The following TNKS variants were observed in gnomAD, a reference collection of about 807,000 sequenced individuals.
TNKS encodes tankyrase, also known as poly [ADP-ribose] polymerase tankyrase-1.
TNKS carries 72 observed loss-of-function variants against 135.8 expected under a neutral mutation model. The ratio of observed to expected loss-of-function variants is 0.53; its 90% confidence interval spans 0.44 to 0.64. The LOEUF is 0.64. Among genes scored for constraint, TNKS ranks in the 30% least tolerant of loss-of-function variants. The pLI, the probability that TNKS is intolerant of heterozygous loss-of-function variation, is 0.00. For missense variants in TNKS, 1,769 were observed against 1,674.0 expected, an observed-to-expected ratio of 1.06 and a Z score of -0.99; for synonymous variants, 849 against 649.3, an observed-to-expected ratio of 1.31 and a Z score of -4.68.
chr8:9,592,626 A>G (rs1438647842), intron 2 of TNKS, among the ~76,000 whole-genome samples: 1 of 152,210 alleles, frequency 6.6e-6, no homozygotes, highest in African/African-American at 2.4e-5. Flanking sequence ...GGTAGGAACT[A>G]ACAATAATCT....
At chr8:9,712,251 A>G (rs1221813376) in intron 11 of TNKS, among the ~76,000 whole-genome samples, 3 of 152,216 alleles carry the variant, frequency 2.0e-5, no homozygotes, top group Non-Finnish European at 4.4e-5. Flanking sequence ...AGGCAAAGGC[A>G]GAAGGATTGC....
intron 13 of TNKS, among the ~76,000 whole-genome samples, chr8:9,727,799 G>A (rs967126195): frequency 1.3e-5 from 2 of 151,926 alleles, no homozygotes; most frequent in Non-Finnish European, 2.9e-5. Flanking sequence ...TTAATATGTG[G>A]GCACTTCCAG....
chr8:9,577,333 A>G (rs1797987272), intron 1 of TNKS, among the ~76,000 whole-genome samples: 1 of 152,160 alleles, frequency 6.6e-6, no homozygotes, highest in Non-Finnish European at 1.5e-5. Flanking sequence ...GTAATGGTAA[A>G]AATGTTTTTA....
chr8:9,615,814 A>G, intron 3 of TNKS, 137 bp downstream of exon 3: 1 of 627,536 alleles, frequency 1.6e-6, no homozygotes, highest in South Asian at 2.0e-5. Flanking sequence ...CTACTTTATT[A>G]TTGATTTGAT....
Position 9,770,290 on chromosome 8 carries a change from C to G in TNKS, c.3897+28C>G, listed in dbSNP as rs746708595. ...ATGTTACTCATCAAACAAGCATAAC[C>G]AAGTTCACAAACATGTCAATAGAGC... On this transcript the variant is annotated intron_variant, in intron 26 of 26. Transcript: ENST00000310430. 4.4e-6 allele frequency: 7 copies of G among 1,590,862 alleles called. No individual in the cohort carries two copies. In the East Asian group the frequency reaches 9.0e-5, roughly 21 times the overall value.
chr8:9,587,817 A>G (rs1798445682), intron 2 of TNKS, among the ~76,000 whole-genome samples: 2 of 152,214 alleles, frequency 1.3e-5, no homozygotes, highest in Non-Finnish European at 2.9e-5. Flanking sequence ...ATAATTTGTT[A>G]CGGCAGCAAT....
chr8:9,717,103 T>TATATATTTATTTA (rs1554476739), intron 11 of TNKS, among the ~76,000 whole-genome samples: 1 of 39,332 alleles, frequency 2.5e-5, no homozygotes, highest in Non-Finnish European at 5.8e-5. Flanking sequence ...ATATATATAT[T>TATATATTTATTTA]TTCAGGGAAT....
At chr8:9,742,896 A>C (rs1393906234) in intron 17 of TNKS, among the ~76,000 whole-genome samples, 3 of 151,876 alleles carry the variant, frequency 2.0e-5, no homozygotes, top group Non-Finnish European at 4.4e-5. Context: ...AAAAAGTTTA[A>C]AAAGCTACTT....
At chr8:9,664,205 G>T (rs1417931229) in intron 3 of TNKS, among the ~76,000 whole-genome samples, 1 of 152,178 alleles carries the variant, frequency 6.6e-6, no homozygotes, top group Admixed American at 6.5e-5. Flanking sequence ...TCTATGTCTG[G>T]TGAGGGCTTC....
rs150530266 is a variant in TNKS at position 9,663,612 on chromosome 8, G to A, written c.995-16339G>A. On this transcript the variant is annotated intron_variant, in intron 3 of 26. Transcript: ENST00000310430. ...CTACACCCCACTTTAGAGGCTACTC[G>A]CTAGTAGTAGGTTGTCATCTATACT... 5.5e-3 allele frequency among the ~76,000 whole-genome samples: 832 copies of A among 152,288 alleles called. 5 individuals carry two copies. Among genetic ancestry groups the A allele is most frequent in the East Asian group, 7.2e-3 (37 of 5,174 alleles).
intron 2 of TNKS, among the ~76,000 whole-genome samples, chr8:9,599,809 A>G (rs1329920247): frequency 6.6e-6 from 1 of 152,004 alleles, no homozygotes; most frequent in African/African-American, 2.4e-5. Context: ...AAAAGTCTTG[A>G]TTTTCTATAT....
intron 3 of TNKS, among the ~76,000 whole-genome samples, chr8:9,672,674 AAACACAT>A (rs1260733877): frequency 2.3e-5 from 3 of 129,844 alleles, no homozygotes; most frequent in Non-Finnish European, 4.9e-5. Context: ...AAAAAAAAAA[AAACACAT>A]ACACACACAC....
At position 9,679,941 on chromosome 8, in the gene TNKS, A is replaced by C. The variant is rs1585319419; in HGVS notation, c.995-10A>C. 1 of 1,610,990 alleles carries C rather than the reference A, an allele frequency of 6.2e-7. No homozygotes were observed. The highest frequency in any genetic ancestry group is 2.2e-5 in the East Asian group (1 of 44,862). ...AAATGCTAACAGCATGATATTTTGC[A>C]ATCATCTAGGTGAATACAAGAAAGA... On this transcript the variant is annotated splice_polypyrimidine_tract_variant and intron_variant, in intron 3 of 26. Transcript: ENST00000310430.
chr8:9,684,798 A>G (rs1443856855), intron 5 of TNKS, among the ~76,000 whole-genome samples: 1 of 152,248 alleles, frequency 6.6e-6, no homozygotes. Context: ...CATGGGAGAT[A>G]ACTATATGGT....
chr8:9,749,461 T>C (rs1234773005), intron 18 of TNKS, among the ~76,000 whole-genome samples: 1 of 150,840 alleles, frequency 6.6e-6, no homozygotes, highest in African/African-American at 2.4e-5. Context: ...TTTTTCCTTT[T>C]TTTTCTTTTC....
At chr8:9,644,916 C>T (rs1164307117) in intron 3 of TNKS, among the ~76,000 whole-genome samples, 1 of 152,052 alleles carries the variant, frequency 6.6e-6, no homozygotes, top group Admixed American at 6.6e-5. Flanking sequence ...ATAAAATAGG[C>T]TTTGTGTGAG....
intron 1 of TNKS, among the ~76,000 whole-genome samples, chr8:9,579,401 C>A (rs1055995359): frequency 5.9e-5 from 9 of 152,176 alleles, no homozygotes; most frequent in African/African-American, 2.2e-4. Context: ...TCCCCAATTT[C>A]CCTAATACAA....
At chr8:9,683,495 C>A (rs757292720) in intron 5 of TNKS, among the ~76,000 whole-genome samples, 3 of 151,798 alleles carry the variant, frequency 2.0e-5, no homozygotes, top group Admixed American at 6.6e-5. Context: ...TTGGAAGTTT[C>A]CTAAATTACT....
Position 9,556,560 on chromosome 8 carries a change from A to C in TNKS, c.621A>C (p.Val207=). The C allele has an allele frequency of 6.2e-7, 1 of 1,614,112 alleles. No homozygotes were observed. Among genetic ancestry groups the C allele is most frequent in the Non-Finnish European group, 8.5e-7 (1 of 1,180,036 alleles). Residue 207 remains valine, a synonymous_variant, in exon 1 of 27, where the codon GTA becomes GTC. Transcript: ENST00000310430. ...RVKRLVDAAN[V]NAKDMAGRKS... ...AGAGGCTGGTGGACGCGGCAAACGT[A>C]AATGCAAAGGACATGGCCGGCCGGA...
Sources: gnomAD v4.1 joint callset for allele counts (sites outside exome capture counted in the v4.1 genomes callset) on GRCh38, gnomAD v4.1.1 for gene constraint, MANE v1.5 for transcripts, NCBI Gene and HGNC (gene_info 2026-07-23, HGNC 2026-07-21) for gene names.